IL16: variants seen among roughly 807,000 people sequenced by gnomAD.
The protein encoded by IL16 is interleukin 16.
A neutral mutation model predicts 110.1 loss-of-function variants in IL16; 67 were observed. The observed-to-expected ratio is 0.61, with a 90% CI of 0.50 to 0.75. The LOEUF (loss-of-function observed/expected upper bound fraction) is 0.75. Among genes scored for constraint, IL16 ranks in the 30% least tolerant of loss-of-function variants. IL16 has a pLI of 0.00. For missense variants in IL16, 1,545 were observed against 1,655.0 expected, an observed-to-expected ratio of 0.93 and a Z score of 1.15; for synonymous variants, 689 against 662.9, an observed-to-expected ratio of 1.04 and a Z score of -0.61.
Position 81,313,794 on chromosome 15 carries a change from C to T in IL16, c.*4996C>T, listed in dbSNP as rs1266703382. Reference sequence around the variant, plus strand: ...GCAACCTCCTGGGGGCTCCTGGGACCCTTTCAAGGGGTCTACAAAGTTAAC... The same window carrying T: ...GCAACCTCCTGGGGGCTCCTGGGACTCTTTCAAGGGGTCTACAAAGTTAAC... On this transcript the variant is annotated 3_prime_UTR_variant, in exon 19 of 19. Coordinates refer to ENST00000683961, the MANE Select transcript of IL16 (RefSeq NM_172217.5). 3 of 157,200 alleles carry T rather than the reference C, an allele frequency of 1.9e-5. No individual in the cohort carries two copies. The Admixed American group carries it at 1.9e-4, about 10-fold the overall frequency. 9.7% of individuals were successfully genotyped at this position (157,200 alleles called of 1,614,324 possible).
rs754984407 is a variant in IL16, at chr15:81,299,757, G to C, written c.2431G>C (p.Asp811His). The C allele has an allele frequency of 6.2e-7, 1 of 1,614,188 alleles. No individual in the cohort carries two copies. The highest frequency in any genetic ancestry group is 1.1e-5 in the South Asian group (1 of 91,086). Reference protein sequence around the residue: ...NRASDPRGLPDPALSTQPAPA... With the variant: ...NRASDPRGLPHPALSTQPAPA... The stretch of plus-strand genomic sequence containing the variant: ...TGCTTCAGACCCAAGAGGGCTCCCT[G>C]ATCCTGCCTTGTCCACCCAGCCAGC... Residue 811 changes from aspartate (D) to histidine (H), a missense_variant, in exon 14 of 19, where the codon GAT becomes CAT. By Grantham distance (81) the Asp-to-His change is moderately conservative (BLOSUM62 -1). Around this residue, in one of 3 missense-constraint regions of IL16, gnomAD observed 1,185 missense variants for 1,238.8 expected, o/e 0.96. Coordinates refer to ENST00000683961, the MANE Select transcript of IL16 (RefSeq NM_172217.5).
chr15:81,246,766 T>A (rs1449573777), intron 2 of IL16, among the ~76,000 whole-genome samples: 1 of 152,190 alleles, frequency 6.6e-6, no homozygotes, highest in Non-Finnish European at 1.5e-5. Flanking sequence ...GGTTTGGAAT[T>A]ATTTATTTCT....
intron 11 of IL16, 46 bp from the exon 12 acceptor site, chr15:81,292,509 GT>G: frequency 6.2e-7 from 1 of 1,612,864 alleles, no homozygotes; most frequent in South Asian, 1.1e-5. Context: ...GGGTATTTCT[GT>G]TTTCTGAAGC....
intron 2 of IL16, among the ~76,000 whole-genome samples, chr15:81,236,072 TAA>T (rs1897167097): frequency 6.6e-6 from 1 of 152,186 alleles, no homozygotes; most frequent in Admixed American, 6.5e-5. Context: ...TTGCTTTCTT[TAA>T]AAATTCAAAG....
At chr15:81,202,628 T>C (rs1895861616) in intron 1 of IL16, among the ~76,000 whole-genome samples, 1 of 152,182 alleles carries the variant, frequency 6.6e-6, no homozygotes, top group Non-Finnish European at 1.5e-5. Context: ...TCCAGTTTCA[T>C]CCATGTCCCT....
chr15:81,224,266 A>T (rs1274990389), intron 1 of IL16, among the ~76,000 whole-genome samples: 1 of 152,254 alleles, frequency 6.6e-6, no homozygotes, highest in African/African-American at 2.4e-5. Flanking sequence ...GATGTGCGCA[A>T]ACAGCAGTAC....
At chr15:81,279,889 C>A in intron 8 of IL16, 115 bp downstream of exon 8, 1 of 841,006 alleles carries the variant, frequency 1.2e-6, no homozygotes, top group Non-Finnish European at 1.9e-6. Context: ...TCTTTTAGCA[C>A]ATTTTACAGC....
upstream of IL16, among the ~76,000 whole-genome samples, chr15:81,192,640 A>G (rs577928862): frequency 2.0e-5 from 3 of 152,230 alleles, no homozygotes; most frequent in Non-Finnish European, 4.4e-5. Context: ...AACAGTTTTT[A>G]AAAGTAATTC....
chr15:81,269,473 C>G (rs1016041321), intron 4 of IL16, 65 bp from the exon 5 acceptor site: 26 of 1,101,998 alleles, frequency 2.4e-5, no homozygotes, highest in Middle Eastern at 2.0e-4. Context: ...TTTCCCCTTC[C>G]TTGTGAGGCA....
At chr15:81,288,272 G>A (rs1420592168) in intron 10 of IL16, among the ~76,000 whole-genome samples, 1 of 151,618 alleles carries the variant, frequency 6.6e-6, no homozygotes, top group African/African-American at 2.4e-5. Context: ...GCTTGCTTAT[G>A]GTTAATTTGG....
In IL16 at chr15:81,285,844, G is replaced by A. The variant is rs1342820727; in HGVS notation, c.1332+14G>A. ...CCAGACCCACAGGTAACACCCACTG[G>A]GTTATCCTCTTCTTCTCAGGCTCAC... On this transcript the variant is annotated intron_variant, in intron 10 of 18. Coordinates refer to ENST00000683961, the MANE Select transcript of IL16 (RefSeq NM_172217.5). The A allele has an allele frequency of 1.2e-6, 2 of 1,613,702 alleles. No individual in the cohort carries two copies. Among genetic ancestry groups the A allele is most frequent in the Admixed American group, 1.7e-5 (1 of 59,942 alleles).
At chr15:81,231,324 G>GTCTCTC (rs532872365) in intron 2 of IL16, among the ~76,000 whole-genome samples, 981 of 47,096 alleles carry the variant, frequency 0.021, 284 homozygotes, top group East Asian at 0.045. Context: ...AGGTCGGTCT[G>GTCTCTC]TCTCTCTCTC....
chr15:81,209,585 G>A (rs1326779497), intron 1 of IL16, among the ~76,000 whole-genome samples: 1 of 152,058 alleles, frequency 6.6e-6, no homozygotes, highest in Admixed American at 6.6e-5. Flanking sequence ...TGAATTCTAA[G>A]CAAGGGAGGG....
At chr15:81,201,444 A>G (rs1320165492) in intron 1 of IL16, among the ~76,000 whole-genome samples, 1 of 152,128 alleles carries the variant, frequency 6.6e-6, no homozygotes, top group Non-Finnish European at 1.5e-5. Context: ...GAGATCACGA[A>G]ATGTCTAATT....
Position 81,303,486 on chromosome 15 carries a change from C to A in IL16, c.3319-63C>A. 1 of 1,116,812 alleles carries A rather than the reference C, an allele frequency of 9.0e-7. No homozygotes were observed. Among genetic ancestry groups the A allele is most frequent in the South Asian group, 1.3e-5 (1 of 77,760 alleles). The allele number at this position is 1,116,812 out of a possible 1,614,324, so 69.2% of individuals were successfully genotyped here. Reference sequence around the variant, plus strand: ...ATAACAAATCAGTCTGATGTCAGTCCGATGTTAAATTGTTCATCCTCTTGC... The same window carrying A: ...ATAACAAATCAGTCTGATGTCAGTCAGATGTTAAATTGTTCATCCTCTTGC... On this transcript the variant is annotated intron_variant, in intron 15 of 18. Coordinates refer to ENST00000683961, the MANE Select transcript of IL16 (RefSeq NM_172217.5). The surrounding 1 kb of genome is among the most constrained non-coding windows in gnomAD (Gnocchi z 4.1).
chr15:81,206,630 T>C (rs1912124), intron 1 of IL16, among the ~76,000 whole-genome samples: 12,253 of 152,102 alleles, frequency 0.081, 516 homozygotes, highest in Middle Eastern at 0.1. Flanking sequence ...TGTGGCACGA[T>C]GCAATTAAAC....
intron 1 of IL16, among the ~76,000 whole-genome samples, chr15:81,188,661 G>A (rs534221090): frequency 3.9e-5 from 6 of 152,268 alleles, no homozygotes; most frequent in African/African-American, 1.4e-4. Context: ...TTAGATCCAT[G>A]TGTTGATGTG....
rs776311342 is a variant in IL16 at position 81,299,672 on chromosome 15, T to G, written c.2346T>G (p.Gly782=). Reference sequence around the variant, plus strand: ...CAGACAGCAGCACTGTGAAGAAAGGTCCTCCTGTGGCTCCCAAGCCAGCCT... The same window carrying G: ...CAGACAGCAGCACTGTGAAGAAAGGGCCTCCTGTGGCTCCCAAGCCAGCCT... ...KSADSSTVKK[G]PPVAPKPAWF... is the part of the protein sequence containing the mutation. The change falls in exon 14 of 19, where the codon GGT becomes GGG. Residue 782 remains glycine (G), a synonymous_variant. Transcript: ENST00000683961. The G allele has an allele frequency of 6.2e-7, 1 of 1,614,086 alleles. No individual in the cohort carries two copies. The highest frequency in any genetic ancestry group is 8.5e-7 in the Non-Finnish European group (1 of 1,180,014).
intron 1 of IL16, among the ~76,000 whole-genome samples, chr15:81,215,789 A>G (rs773554893): frequency 1.7e-4 from 26 of 152,114 alleles, no homozygotes; most frequent in Non-Finnish European, 3.1e-4. Context: ...CCCTCACTCA[A>G]GTGCCAACCA....
Sources: gnomAD v4.1 joint callset for allele counts (sites outside exome capture counted in the v4.1 genomes callset) on GRCh38, gnomAD v4.1.1 for gene constraint, gnomAD v4.1.1 regional missense constraint, Gnocchi (gnomAD v3.1) non-coding constraint, MANE v1.5 for transcripts, NCBI Gene and HGNC (gene_info 2026-07-23, HGNC 2026-07-21) for gene names.